GSE1: variants seen among roughly 807,000 people sequenced by gnomAD.
GSE1 encodes the protein genetic suppressor element 1.
GSE1 carries 32 observed loss-of-function variants against 112.6 expected under a neutral mutation model. The ratio of observed to expected loss-of-function variants is 0.28; its 90% CI spans 0.21 to 0.38. The LOEUF is 0.38. GSE1 is among the 10% of genes least tolerant of loss of function. The pLI, the probability that GSE1 is intolerant of heterozygous loss-of-function variation, is 1.00. For missense variants in GSE1, 2,348 were observed against 1,699.2 expected, an observed-to-expected ratio of 1.38 and a Z score of -6.71; for synonymous variants, 1,115 against 735.6, an observed-to-expected ratio of 1.52 and a Z score of -8.35.
chr16:85,215,975 G>C (rs2075301124), intron 1 of GSE1, among the ~76,000 whole-genome samples: 1 of 152,206 alleles, frequency 6.6e-6, no homozygotes, highest in Non-Finnish European at 1.5e-5. Context: ...CCTTGGAGGG[G>C]TGGGCCAGAG....
At chr16:85,196,092 G>T (rs900312966) in intron 1 of GSE1, among the ~76,000 whole-genome samples, 1 of 152,220 alleles carries the variant, frequency 6.6e-6, no homozygotes, top group Non-Finnish European at 1.5e-5. Flanking sequence ...AAAAACGAGG[G>T]CTCTAAATAG....
intron 1 of GSE1, among the ~76,000 whole-genome samples, chr16:85,558,308 C>A (rs536362216): frequency 6.6e-6 from 1 of 152,346 alleles, no homozygotes; most frequent in East Asian, 1.9e-4. Flanking sequence ...GCCTCCCCGG[C>A]AGCTATGCCT....
chr16:85,284,696 C>A (rs7187540), intron 1 of GSE1, among the ~76,000 whole-genome samples: 40,564 of 151,798 alleles, frequency 0.27, 6,002 homozygotes, highest in Non-Finnish European at 0.34. Flanking sequence ...ATCGTTCAGG[C>A]TGGAGGGATC....
At chr16:85,169,972 G>A in exon 1 of GSE1, 3 of 984,632 alleles carry the variant, frequency 3.0e-6, no homozygotes, top group Non-Finnish European at 3.6e-6. Flanking sequence ...CGCCACCGGC[G>A]ACGACGACGA....
intron 3 of GSE1, among the ~76,000 whole-genome samples, chr16:85,652,588 A>G (rs980442652): frequency 4.6e-5 from 7 of 152,030 alleles, no homozygotes; most frequent in Admixed American, 3.3e-4. Flanking sequence ...ATCCTCGCTG[A>G]CTGTCTCCTG....
intron 2 of GSE1, among the ~76,000 whole-genome samples, chr16:85,446,543 G>C (rs965807882): frequency 6.6e-6 from 1 of 152,182 alleles, no homozygotes; most frequent in Admixed American, 6.5e-5. Context: ...TGGGTTCTGC[G>C]ATGACCGGGC....
intron 1 of GSE1, among the ~76,000 whole-genome samples, chr16:85,200,166 C>T (rs1466299156): frequency 3.3e-5 from 5 of 152,224 alleles, no homozygotes; most frequent in East Asian, 3.9e-4. Context: ...CAAATATGCT[C>T]GGATCCCATT....
rs79354873 is a variant in GSE1 at position 85,538,407 on chromosome 16, G to C, written c.2465-95507G>C. ...TGAGAAGAAATACAGCAGTGCGGCA[G>C]GGAGTTTACAAGTGTGGGGGTACTG... On this transcript the variant is annotated intron_variant, in intron 2 of 2. Coordinates refer to the GSE1 transcript ENST00000637419. 7.9e-3 allele frequency among the ~76,000 whole-genome samples: 1,198 copies of C among 152,298 alleles called. 15 individuals are homozygous for C. The highest frequency in any genetic ancestry group is 0.027 in the African/African-American group (1,110 of 41,556).
intron 1 of GSE1, among the ~76,000 whole-genome samples, chr16:85,632,308 C>T (rs559011345): frequency 6.6e-6 from 1 of 152,140 alleles, no homozygotes; most frequent in African/African-American, 2.4e-5. Flanking sequence ...CTGGGGAGAA[C>T]AAACGATGCC....
At chr16:85,403,407 C>G (rs1421330287) in intron 2 of GSE1, among the ~76,000 whole-genome samples, 1 of 152,188 alleles carries the variant, frequency 6.6e-6, no homozygotes, top group African/African-American at 2.4e-5. Context: ...AAAGCTGCCC[C>G]CAACACTGAG....
chr16:85,520,723 C>T (rs948887139), intron 2 of GSE1, among the ~76,000 whole-genome samples: 1 of 152,148 alleles, frequency 6.6e-6, no homozygotes, highest in African/African-American at 2.4e-5. Context: ...GCGCCTAGCC[C>T]CTGCTCCTAT....
chr16:85,611,389 C>T (rs1222357576), upstream of GSE1: 10 of 843,212 alleles, frequency 1.2e-5, no homozygotes, highest in Admixed American at 1.2e-4. Context: ...ATAAATTACC[C>T]GGGCCCGCGC....
At position 85,672,583 on chromosome 16, in the gene GSE1, A is replaced by C; in HGVS notation, c.*44A>C. 7.4e-7 allele frequency: 1 copy of C among 1,351,220 alleles called. No individual in the cohort carries two copies. Among genetic ancestry groups the C allele is most frequent in the East Asian group, 2.4e-5 (1 of 41,018 alleles). The allele number at this position is 1,351,220 out of a possible 1,614,324, so 83.7% of individuals were successfully genotyped here. A position where few individuals can be genotyped will look rare whatever the true frequency, so the allele number is the denominator to read the frequency against. On this transcript the variant is annotated 3_prime_UTR_variant, in exon 16 of 16. Transcript: ENST00000253458. ...GCCGAACCTATAGTATAGAAATATT[A>C]TCTATTTTATTACCTTGAATATTTA...
chr16:85,668,148 G>A lies in GSE1; in HGVS notation c.3139G>A (p.Ala1047Thr). 4 of 1,583,672 alleles carry A rather than the reference G, an allele frequency of 2.5e-6. No homozygotes were observed. In the South Asian group the frequency reaches 4.6e-5, roughly 18 times the overall value. ...CCCTGTCCCCTCCACAGGGAGCGTG[G>A]CTGTGCTGTCTGCAGAGCAGAACCA... ...KALQKHKGSV[A>T]VLSAEQNHKV... Residue 1047 changes from alanine (A) to threonine (T), a missense_variant, in exon 14 of 16, where the codon GCT (alanine) becomes ACT (threonine). Coordinates refer to ENST00000253458, the MANE Select transcript of GSE1 (RefSeq NM_014615.5).
intron 2 of GSE1, among the ~76,000 whole-genome samples, chr16:85,637,577 G>A (rs2050108224): frequency 6.6e-6 from 1 of 151,962 alleles, no homozygotes; most frequent in African/African-American, 2.4e-5. Flanking sequence ...CGCCTGCTGT[G>A]CCCCTGGCGG....
intron 1 of GSE1, among the ~76,000 whole-genome samples, chr16:85,225,289 C>T (rs1442858335): frequency 1.3e-5 from 2 of 152,192 alleles, no homozygotes; most frequent in Non-Finnish European, 2.9e-5. Context: ...GGTTGGGGCC[C>T]TCTCTGCAGA....
At chr16:85,661,097 G>A in intron 8 of GSE1, 49 bp from the exon 9 acceptor site, 1 of 1,511,706 alleles carries the variant, frequency 6.6e-7, no homozygotes. Context: ...GCCTGTGGAT[G>A]ACTGAAGGGT....
chr16:85,305,431 T>A (rs2045650266), intron 1 of GSE1, among the ~76,000 whole-genome samples: 1 of 151,920 alleles, frequency 6.6e-6, no homozygotes, highest in Non-Finnish European at 1.5e-5. Context: ...ATTGCAGGCA[T>A]GAGCCACATG....
Position 85,627,044 on chromosome 16 carries a change from C to CTTTTTTTTTTTTTTTTTTT in GSE1, c.8-6856_8-6838dup, listed in dbSNP as rs564272210. The stretch of plus-strand genomic sequence containing the variant: ...GGACTTTGCTTCCTTTTCTTCTTGC[C>CTTTTTTTTTTTTTTTTTTT]TTTTTTTTTTTTTTTTTTTTTTTTT... On this transcript the variant is annotated intron_variant, in intron 1 of 15. Transcript: ENST00000253458. 2.7e-3 allele frequency among the ~76,000 whole-genome samples: 68 copies of CTTTTTTTTTTTTTTTTTTT among 25,070 alleles called. 13 individuals are homozygous for CTTTTTTTTTTTTTTTTTTT. The highest frequency in any genetic ancestry group is 0.056 in the Middle Eastern group (1 of 18). The allele number at this position is 25,070 out of a possible 152,430, so 16.4% of individuals were successfully genotyped here. A position where few individuals can be genotyped will look rare whatever the true frequency, so the allele number is the denominator to read the frequency against.
Sources: allele counts gnomAD v4.1 joint callset (sites outside exome capture counted in the v4.1 genomes callset), GRCh38; gene constraint gnomAD v4.1.1; transcripts MANE v1.5; gene names NCBI Gene and HGNC (gene_info 2026-07-23, HGNC 2026-07-21).